DNAJC5B: variants seen among roughly 807,000 people sequenced by gnomAD.
The protein encoded by DNAJC5B is DnaJ heat shock protein family (Hsp40) member C5 beta.
Under a neutral mutation model 24.7 loss-of-function variants are expected in DNAJC5B, and 23 were observed. That is an observed-to-expected ratio of 0.93 (90% CI 0.67 to 1.32). The LOEUF is 1.32. Among genes scored for constraint, DNAJC5B ranks in the 40% most tolerant of loss-of-function variants. The pLI is 0.00. For missense variants in DNAJC5B, 238 were observed against 240.8 expected, an observed-to-expected ratio of 0.99 and a Z score of 0.08; for synonymous variants, 101 against 90.1, an observed-to-expected ratio of 1.12 and a Z score of -0.68.
intron 2 of DNAJC5B, among the ~76,000 whole-genome samples, chr8:66,046,842 G>A (rs1393110914): frequency 6.6e-6 from 1 of 152,250 alleles, no homozygotes; most frequent in Non-Finnish European, 1.5e-5. Flanking sequence ...GCAGGGCCTT[G>A]CTGAAGGCCA....
intron 5 of DNAJC5B, among the ~76,000 whole-genome samples, chr8:66,097,538 GT>G (rs532888541): frequency 0.014 from 1,983 of 146,700 alleles, 24 homozygotes; most frequent in Middle Eastern, 0.037. Flanking sequence ...TATTTTCTGG[GT>G]TTTTTTTTCA....
chr8:66,027,474 T>G (rs541607981), intron 1 of DNAJC5B, among the ~76,000 whole-genome samples: 11 of 152,300 alleles, frequency 7.2e-5, no homozygotes, highest in Admixed American at 2.0e-4. Context: ...AGTGAAAGAT[T>G]CACTCTCAGT....
In DNAJC5B at chr8:66,065,179, A is replaced by G. The variant is rs538190637; in HGVS notation, c.120-11481A>G. ...GGAAAAGACCAATTCTCTGAAACAG[A>G]TCATCATCTACGGTTCGTGTTGTTA... On this transcript the variant is annotated intron_variant, in intron 3 of 5. Transcript: ENST00000276570. 7.9e-5 allele frequency among the ~76,000 whole-genome samples: 12 copies of G among 152,376 alleles called. No individual in the cohort carries two copies. In the South Asian group the frequency reaches 2.3e-3, roughly 29 times the overall value.
At chr8:66,055,395 G>A (rs966948152) in intron 3 of DNAJC5B, among the ~76,000 whole-genome samples, 16 of 152,314 alleles carry the variant, frequency 1.1e-4, no homozygotes, top group African/African-American at 3.8e-4. Context: ...AAAATTACCA[G>A]CTGTTGAATC....
intron 5 of DNAJC5B, among the ~76,000 whole-genome samples, chr8:66,087,758 CA>C (rs1347349602): frequency 5.9e-5 from 9 of 152,188 alleles, no homozygotes; most frequent in African/African-American, 2.2e-4. Flanking sequence ...TTTTATGTCT[CA>C]TATCTAGGGC....
At chr8:66,075,198 A>G (rs1586103345) in intron 3 of DNAJC5B, among the ~76,000 whole-genome samples, 1 of 151,774 alleles carries the variant, frequency 6.6e-6, no homozygotes, top group Non-Finnish European at 1.5e-5. Flanking sequence ...TCCTGAGTAG[A>G]TGGGATTACA....
chr8:66,018,807 C>T (rs1806030134), upstream of DNAJC5B, among the ~76,000 whole-genome samples: 1 of 152,106 alleles, frequency 6.6e-6, no homozygotes. Flanking sequence ...AGAAATTCTG[C>T]CTTGAAGTGG....
At chr8:66,044,479 G>A (rs772680158) in intron 2 of DNAJC5B, among the ~76,000 whole-genome samples, 3 of 151,476 alleles carry the variant, frequency 2.0e-5, no homozygotes, top group Admixed American at 6.6e-5. Context: ...CTTTTGCTTC[G>A]AAATGAAGAT....
chr8:66,030,131 G>T (rs1343228759), intron 1 of DNAJC5B, among the ~76,000 whole-genome samples: 4 of 152,138 alleles, frequency 2.6e-5, no homozygotes, highest in Non-Finnish European at 5.9e-5. Context: ...CCCCAACTCA[G>T]ATTTCAGTTG....
chr8:66,073,063 G>T (rs1344870252), intron 3 of DNAJC5B, among the ~76,000 whole-genome samples: 2 of 152,044 alleles, frequency 1.3e-5, no homozygotes, highest in Admixed American at 6.6e-5. Context: ...AAATGTAAAT[G>T]ATATAAGGAT....
chr8:66,069,052 G>T (rs1447064897), intron 3 of DNAJC5B, among the ~76,000 whole-genome samples: 3 of 151,718 alleles, frequency 2.0e-5, no homozygotes, highest in Non-Finnish European at 4.4e-5. Context: ...TTAATCCCCA[G>T]TGGATTTGAG....
the DNAJC5B span, among the ~76,000 whole-genome samples, chr8:66,016,376 G>T: frequency 6.6e-6 from 1 of 152,160 alleles, no homozygotes; most frequent in Admixed American, 6.5e-5. Flanking sequence ...TGTGTCTCAT[G>T]AGATCTGATG....
chr8:66,024,063 T>C (rs944385383), intron 1 of DNAJC5B, among the ~76,000 whole-genome samples: 1 of 152,234 alleles, frequency 6.6e-6, no homozygotes, highest in Non-Finnish European at 1.5e-5. Flanking sequence ...ATCATTAACC[T>C]TAGAGATGTC....
chr8:66,075,212 A>G (rs565029051), intron 3 of DNAJC5B, among the ~76,000 whole-genome samples: 1 of 152,200 alleles, frequency 6.6e-6, no homozygotes, highest in South Asian at 2.1e-4. Context: ...GATTACAGGT[A>G]TGTGCCACCA....
chr8:66,032,779 T>G (rs1202578288), intron 1 of DNAJC5B, among the ~76,000 whole-genome samples: 1 of 152,228 alleles, frequency 6.6e-6, no homozygotes, highest in Non-Finnish European at 1.5e-5. Context: ...TCCTCATCGC[T>G]TGATACATTG....
chr8:66,059,929 C>A (rs1202973630), intron 3 of DNAJC5B, among the ~76,000 whole-genome samples: 1 of 152,220 alleles, frequency 6.6e-6, no homozygotes, highest in Non-Finnish European at 1.5e-5. Context: ...CAAGTCCCGA[C>A]CGCTCCTTCA....
At chr8:66,038,927 G>A (rs1287403983) in intron 1 of DNAJC5B, among the ~76,000 whole-genome samples, 1 of 152,154 alleles carries the variant, frequency 6.6e-6, no homozygotes, top group Non-Finnish European at 1.5e-5. Context: ...ATATTTTTTT[G>A]TAGCACAGTT....
At chr8:66,018,377 G>A (rs554428448), upstream of DNAJC5B, among the ~76,000 whole-genome samples, 2 of 107,284 alleles carry the variant, frequency 1.9e-5, no homozygotes, top group Non-Finnish European at 3.3e-5. Flanking sequence ...AATTAGCTGG[G>A]CGTGGTGGGG....
chr8:66,081,513 T>C (rs1013703262), intron 5 of DNAJC5B, among the ~76,000 whole-genome samples: 24 of 152,170 alleles, frequency 1.6e-4, no homozygotes, highest in Non-Finnish European at 3.4e-4. Flanking sequence ...TTCTGGACTG[T>C]ATTGTACTCT....
Sources: gnomAD v4.1 joint callset for allele counts (sites outside exome capture counted in the v4.1 genomes callset) on GRCh38, gnomAD v4.1.1 for gene constraint, MANE v1.5 for transcripts, NCBI Gene and HGNC (gene_info 2026-07-23, HGNC 2026-07-21) for gene names.